The following LIN7C variants were observed in gnomAD, a reference collection of about 807,000 sequenced individuals.
LIN7C encodes lin-7 cell polarity scaffold C, also known as protein lin-7 homolog C.
A neutral mutation model predicts 24.7 loss-of-function variants in LIN7C; 17 were observed. That is an observed-to-expected ratio of 0.69 (90% CI 0.47 to 1.03). The LOEUF (loss-of-function observed/expected upper bound fraction) is 1.03, where lower values mean the gene tolerates loss of function less well. Among genes scored for constraint, LIN7C ranks in the 50% least tolerant of loss-of-function variants. The pLI, the probability that LIN7C is intolerant of heterozygous loss-of-function variation, is 0.00. For missense variants in LIN7C, 204 were observed against 239.0 expected, an observed-to-expected ratio of 0.85 and a Z score of 0.97; for synonymous variants, 90 against 83.4, an observed-to-expected ratio of 1.08 and a Z score of -0.43.
intron 1 of LIN7C, among the ~76,000 whole-genome samples, chr11:27,506,245 C>T (rs184285359): frequency 2.2e-4 from 33 of 152,302 alleles, no homozygotes; most frequent in African/African-American, 7.7e-4. Flanking sequence ...CGAATACAAG[C>T]GAGGTTGTGG....
rs746887115 is a variant in LIN7C, at chr11:27,501,582, T to A, written c.157-16A>T. On this transcript the variant is annotated splice_polypyrimidine_tract_variant and intron_variant, in intron 2 of 4. Coordinates refer to ENST00000278193, the MANE Select transcript of LIN7C (RefSeq NM_018362.4). ...GTTCATATACCTGTAAAAGCCAAAG[T>A]TATATCTCAGAATATACCATGCTTG... 1 of 1,451,118 alleles carries A rather than the reference T, an allele frequency of 6.9e-7. No homozygotes were observed. The highest frequency in any genetic ancestry group is 9.5e-7 in the Non-Finnish European group (1 of 1,057,870). 89.9% of individuals were successfully genotyped at this position (1,451,118 alleles called of 1,614,324 possible).
At chr11:27,501,957 G>T in intron 1 of LIN7C, 37 bp from the exon 2 acceptor site, 1 of 1,350,828 alleles carries the variant, frequency 7.4e-7, no homozygotes, top group South Asian at 1.2e-5. Context: ...TTTTCTCCAA[G>T]GGTTTTCTCA....
chr11:27,502,336 T>C (rs1345479481), intron 1 of LIN7C, among the ~76,000 whole-genome samples: 2 of 152,184 alleles, frequency 1.3e-5, no homozygotes, highest in Non-Finnish European at 2.9e-5. Context: ...TAATTATTAT[T>C]AGTAACCAAA....
chr11:27,501,899 A>G lies in LIN7C; in HGVS notation c.59T>C (p.Leu20Ser). ...TCCACTCCTTTGTAGTTTTTCCAAT[A>G]ATTCAATTGCTCTACAAATATCTAG... Reference protein sequence around the residue: ...LERDICRAIELLEKLQRSGEV... With the variant: ...LERDICRAIESLEKLQRSGEV... Residue 20 changes from leucine (L) to serine (S), a missense_variant, in exon 2 of 5, where the codon TTA (leucine) becomes TCA (serine). This residue lies in a region of LIN7C where 126 missense variants were observed against 117.8 expected (regional missense o/e 1.07). Coordinates refer to ENST00000278193, the MANE Select transcript of LIN7C (RefSeq NM_018362.4). The G allele has an allele frequency of 6.2e-7, 1 of 1,606,860 alleles. No individual in the cohort carries two copies. Among genetic ancestry groups the G allele is most frequent in the Non-Finnish European group, 8.5e-7 (1 of 1,173,696 alleles).
rs1865149757 is a variant in LIN7C at position 27,495,107 on chromosome 11, T to A, written c.*3542A>T. The A allele has an allele frequency of 6.6e-6, 1 of 152,634 alleles. No homozygotes were observed. The highest frequency in any genetic ancestry group is 2.1e-4 in the South Asian group (1 of 4,832). The allele number at this position is 152,634 out of a possible 1,614,324, so 9.5% of individuals were successfully genotyped here. On this transcript the variant is annotated 3_prime_UTR_variant, in exon 5 of 5. Coordinates refer to ENST00000278193, the MANE Select transcript of LIN7C (RefSeq NM_018362.4). ...TGTAAACAAAGTACTTGAGCCAGAC[T>A]ACTTAAGTACTTGAGCAAAATAACT...
chr11:27,506,749 C>T lies in LIN7C; in HGVS notation c.4G>A (p.Ala2Thr). 1.2e-6 allele frequency: 2 copies of T among 1,614,142 alleles called. No homozygotes were observed. The highest frequency in any genetic ancestry group is 1.7e-6 in the Non-Finnish European group (2 of 1,180,030). M[A>T]ALGEPVRLER... The stretch of plus-strand genomic sequence containing the variant: ...AGCCGCACGGGTTCCCCTAGCGCCG[C>T]CATCTTCTCCCTTAACCTACAGACC... Residue 2 changes from alanine (A) to threonine (T), a missense_variant, in exon 1 of 5, where the codon GCG (alanine) becomes ACG (threonine). Around this residue, in one of 3 missense-constraint regions of LIN7C, gnomAD observed 126 missense variants for 117.8 expected, o/e 1.07. Transcript: ENST00000278193.
Position 27,501,894 on chromosome 11 carries a change from C to T in LIN7C, c.64G>A (p.Glu22Lys). 1 of 1,609,384 alleles carries T rather than the reference C, an allele frequency of 6.2e-7. No homozygotes were observed. The highest frequency in any genetic ancestry group is 8.5e-7 in the Non-Finnish European group (1 of 1,175,998). Residue 22 changes from glutamate (E) to lysine (K), a missense_variant, in exon 2 of 5, where the codon GAA (glutamate) becomes AAA (lysine). By Grantham distance (56) the Glu-to-Lys change is moderately conservative (BLOSUM62 1). Transcript: ENST00000278193. ...RDICRAIELL[E>K]KLQRSGEVPP... ...ACTTCTCCACTCCTTTGTAGTTTTTCCAATAATTCAATTGCTCTACAAATA... is the reference window on the plus strand; with the variant it reads ...ACTTCTCCACTCCTTTGTAGTTTTTTCAATAATTCAATTGCTCTACAAATA...
At chr11:27,503,871 G>A (rs1865248096) in intron 1 of LIN7C, among the ~76,000 whole-genome samples, 1 of 152,100 alleles carries the variant, frequency 6.6e-6, no homozygotes, top group African/African-American at 2.4e-5. Flanking sequence ...AGGCTGGGGT[G>A]CAGTGGTACG....
chr11:27,498,795 C>T lies in LIN7C; in HGVS notation c.448G>A (p.Gly150Arg). Residue 150 changes from glycine (G) to arginine (R), a missense_variant, in exon 5 of 5, where the codon GGA becomes AGA. Coordinates refer to ENST00000278193, the MANE Select transcript of LIN7C (RefSeq NM_018362.4). Reference sequence around the variant, plus strand: ...TCTACAGCTTTTTCATGATGTTCTCCTTCAACACTCTAGGGGAAAAAAAAA... The same window carrying T: ...TCTACAGCTTTTTCATGATGTTCTCTTTCAACACTCTAGGGGAAAAAAAAA... ...LLSVNGVSVE[G>R]EHHEKAVELL... The T allele has an allele frequency of 2.5e-6, 4 of 1,613,102 alleles. No individual in the cohort carries two copies. Among genetic ancestry groups the T allele is most frequent in the Non-Finnish European group, 3.4e-6 (4 of 1,179,618 alleles).
intron 4 of LIN7C, 48 bp downstream of exon 4, chr11:27,499,311 A>G: frequency 1.3e-6 from 2 of 1,493,934 alleles, no homozygotes; most frequent in Non-Finnish European, 1.9e-6. Context: ...ATACGCCCCC[A>G]GGTGGTCACA....
chr11:27,506,674 C>T (rs777531541), intron 1 of LIN7C, 42 bp downstream of exon 1: 3 of 1,611,064 alleles, frequency 1.9e-6, no homozygotes, highest in Non-Finnish European at 2.5e-6. Context: ...AGCACTCCCC[C>T]AACCCTTCCG....
intron 3 of LIN7C, 63 bp from the exon 4 acceptor site, chr11:27,499,631 GT>G: frequency 2.1e-6 from 3 of 1,448,554 alleles, no homozygotes; most frequent in Non-Finnish European, 1.9e-6. Context: ...TTCATCTTTT[GT>G]TTCCCCCCGA....
At position 27,494,981 on chromosome 11, in the gene LIN7C, C is replaced by A. The variant is rs1865148343; in HGVS notation, c.*3668G>T. Reference sequence around the variant, plus strand: ...ATCATTCCACATTATAAAATATTCACAAACATGTAGTTTTTTAAGTCTACA... The same window carrying A: ...ATCATTCCACATTATAAAATATTCAAAAACATGTAGTTTTTTAAGTCTACA... On this transcript the variant is annotated 3_prime_UTR_variant, in exon 5 of 5. Coordinates refer to ENST00000278193, the MANE Select transcript of LIN7C (RefSeq NM_018362.4). The A allele has an allele frequency of 3.3e-5, 5 of 152,546 alleles. No individual in the cohort carries two copies. The highest frequency in any genetic ancestry group is 2.6e-4 in the Admixed American group (4 of 15,260). The allele number at this position is 152,546 out of a possible 1,614,324, so 9.4% of individuals were successfully genotyped here.
intron 1 of LIN7C, among the ~76,000 whole-genome samples, chr11:27,504,091 T>G (rs1364951977): frequency 6.6e-6 from 1 of 152,172 alleles, no homozygotes; most frequent in South Asian, 2.1e-4. Flanking sequence ...GTGCTGGGAT[T>G]ACAGGCGTGA....
intron 4 of LIN7C, 81 bp downstream of exon 4, chr11:27,499,278 C>G: frequency 8.7e-7 from 1 of 1,152,132 alleles, no homozygotes; most frequent in Non-Finnish European, 1.3e-6. Flanking sequence ...CCACAAGTTT[C>G]TTAGGTTTCT....
At position 27,498,030 on chromosome 11, in the gene LIN7C, C is replaced by T. The variant is rs1009969813; in HGVS notation, c.*619G>A. 6.6e-6 allele frequency: 1 copy of T among 151,800 alleles called. No homozygotes were observed. The highest frequency in any genetic ancestry group is 2.4e-5 in the African/African-American group (1 of 41,322). The allele number at this position is 151,800 out of a possible 1,614,324, so 9.4% of individuals were successfully genotyped here. A position where few individuals can be genotyped will look rare whatever the true frequency, so the allele number is the denominator to read the frequency against. ...TCATAAATCAGTATAAATGAATATC[C>T]ATTATATATTATGTTTAAGTAAAAG... On this transcript the variant is annotated 3_prime_UTR_variant, in exon 5 of 5. Coordinates refer to ENST00000278193, the MANE Select transcript of LIN7C (RefSeq NM_018362.4).
At position 27,498,348 on chromosome 11, in the gene LIN7C, T is replaced by C; in HGVS notation, c.*301A>G. 4.4e-6 allele frequency: 1 copy of C among 225,072 alleles called. No individual in the cohort carries two copies. The highest frequency in any genetic ancestry group is 8.5e-6 in the Non-Finnish European group (1 of 117,602). 13.9% of individuals were successfully genotyped at this position (225,072 alleles called of 1,614,324 possible). ...AAGAATGTAAAAGTACATTTTAATA[T>C]TAAAAAAGCATTTTAAAAAATCTAT... is the stretch of plus-strand genomic sequence containing the variant. On this transcript the variant is annotated 3_prime_UTR_variant, in exon 5 of 5. Coordinates refer to ENST00000278193, the MANE Select transcript of LIN7C (RefSeq NM_018362.4).
chr11:27,499,408 C>G lies in LIN7C; in HGVS notation c.389G>C (p.Arg130Thr). The G allele has an allele frequency of 6.2e-7, 1 of 1,614,086 alleles. No individual in the cohort carries two copies. Among genetic ancestry groups the G allele is most frequent in the Non-Finnish European group, 8.5e-7 (1 of 1,180,008 alleles). The change falls in exon 4 of 5, where the codon AGA becomes ACA. Residue 130 changes from arginine to threonine, a missense_variant. Around this residue, in one of 3 missense-constraint regions of LIN7C, gnomAD observed 74 missense variants for 99.6 expected, o/e 0.74. Coordinates refer to ENST00000278193, the MANE Select transcript of LIN7C (RefSeq NM_018362.4). ...ATCTCCACGTTTGAGGCCCCCATGTCTATCAGCAATTCCACCTGGAATTAT... is the reference window on the plus strand; with the variant it reads ...ATCTCCACGTTTGAGGCCCCCATGTGTATCAGCAATTCCACCTGGAATTAT... ...SRIIPGGIAD[R>T]HGGLKRGDQL...
intron 1 of LIN7C, among the ~76,000 whole-genome samples, chr11:27,503,509 G>C (rs139878960): frequency 1.2e-3 from 183 of 152,174 alleles, no homozygotes; most frequent in African/African-American, 3.1e-3. Context: ...ATGTAGTAAA[G>C]AAAGATATTT....
Sources: gnomAD v4.1 joint callset for allele counts (sites outside exome capture counted in the v4.1 genomes callset) on GRCh38, gnomAD v4.1.1 for gene constraint, gnomAD v4.1.1 regional missense constraint, MANE v1.5 for transcripts, NCBI Gene and HGNC (gene_info 2026-07-23, HGNC 2026-07-21) for gene names.